CREB5: variants seen among roughly 807,000 people sequenced by gnomAD.
CREB5 encodes the protein cAMP responsive element binding protein 5.
CREB5 carries 19 observed loss-of-function variants against 57.1 expected under a neutral mutation model. That is an observed-to-expected ratio of 0.33 (90% CI 0.23 to 0.49). The LOEUF is 0.49. Among genes scored for constraint, CREB5 ranks in the 20% least tolerant of loss-of-function variants. The pLI, the probability that CREB5 is intolerant of heterozygous loss-of-function variation, is 0.99. For missense variants in CREB5, 579 were observed against 671.6 expected (o/e 0.86, Z 1.52); for synonymous variants, 238 against 238.3 (o/e 1.00, Z 0.01).
At chr7:28,805,812 G>C (rs186706836) in intron 8 of CREB5, among the ~76,000 whole-genome samples, 73 of 152,190 alleles carry the variant, frequency 4.8e-4, no homozygotes, top group Non-Finnish European at 1.3e-4. Flanking sequence ...AATGGGGCTG[G>C]GTAATAGTAG....
At chr7:28,571,944 A>G (rs918274204) in intron 5 of CREB5, among the ~76,000 whole-genome samples, 1 of 152,234 alleles carries the variant, frequency 6.6e-6, no homozygotes, top group Admixed American at 6.5e-5. Context: ...ATGTGCATCA[A>G]CATTCTGTTT....
At chr7:28,560,509 G>C (rs558390624) in intron 4 of CREB5, among the ~76,000 whole-genome samples, 1 of 152,206 alleles carries the variant, frequency 6.6e-6, no homozygotes, top group Non-Finnish European at 1.5e-5. Flanking sequence ...GGAGTGTTCT[G>C]GGAGGGACTA....
Position 28,624,676 on chromosome 7 carries a change from G to GAAA in CREB5, c.464+54154_464+54156dup, listed in dbSNP as rs56161206. On this transcript the variant is annotated intron_variant, in intron 5 of 10. Transcript: ENST00000357727. Reference sequence around the variant, plus strand: ...TTTTCCTTGTTCCGCCAACAGACGTGAAAAAAAAAAAAAAAAACAATCTTG... The same window carrying GAAA: ...TTTTCCTTGTTCCGCCAACAGACGTGAAAAAAAAAAAAAAAAAAAACAATCTTG... 2.6e-3 allele frequency among the ~76,000 whole-genome samples: 340 copies of GAAA among 130,132 alleles called. 1 individual carries two copies. The highest frequency in any genetic ancestry group is 3.9e-3 in the Middle Eastern group (1 of 254). 85.4% of individuals were successfully genotyped at this position (130,132 alleles called of 152,430 possible).
chr7:28,457,128 C>T (rs1419389701), intron 1 of CREB5, among the ~76,000 whole-genome samples: 1 of 152,138 alleles, frequency 6.6e-6, no homozygotes, highest in Non-Finnish European at 1.5e-5. Flanking sequence ...GGAGCCCACT[C>T]CCACGACCAC....
intron 1 of CREB5, among the ~76,000 whole-genome samples, chr7:28,440,255 G>A (rs1789131504): frequency 6.6e-6 from 1 of 152,126 alleles, no homozygotes; most frequent in Non-Finnish European, 1.5e-5. Flanking sequence ...TGCTCTGTGA[G>A]GACTCACCAT....
intron 5 of CREB5, among the ~76,000 whole-genome samples, chr7:28,626,627 G>A (rs377133969): frequency 1.3e-5 from 2 of 152,280 alleles, no homozygotes; most frequent in East Asian, 1.9e-4. Flanking sequence ...GAACAGAATC[G>A]ATTTTATTGC....
intron 3 of CREB5, among the ~76,000 whole-genome samples, chr7:28,503,153 T>C (rs1792333795): frequency 6.6e-6 from 1 of 152,178 alleles, no homozygotes; most frequent in Admixed American, 6.5e-5. Flanking sequence ...AATTCCTAAT[T>C]CGTAAGGCCA....
intron 1 of CREB5, among the ~76,000 whole-genome samples, chr7:28,332,206 G>A (rs117963674): frequency 6.6e-6 from 1 of 152,310 alleles, no homozygotes; most frequent in East Asian, 1.9e-4. Context: ...CCAGAAACTG[G>A]AAGCGATTCT....
intron 1 of CREB5, among the ~76,000 whole-genome samples, chr7:28,386,109 T>G (rs775230615): frequency 2.0e-5 from 3 of 152,220 alleles, no homozygotes; most frequent in Non-Finnish European, 4.4e-5. Flanking sequence ...AGTATCAATG[T>G]TTCTTTGGAT....
intron 4 of CREB5, among the ~76,000 whole-genome samples, chr7:28,560,913 T>TGTGTGTGTGTGTGCGTGCGCGCGCGC (rs1211404751): frequency 1.4e-4 from 3 of 21,998 alleles, no homozygotes; most frequent in Non-Finnish European, 2.9e-4. Context: ...CGCGTGCGTG[T>TGTGTGTGTGTGTGCGTGCGCGCGCGC]GCGTGTGTGC....
chr7:28,387,613 C>A (rs1271272063), intron 1 of CREB5, among the ~76,000 whole-genome samples: 1 of 151,986 alleles, frequency 6.6e-6, no homozygotes, highest in South Asian at 2.1e-4. Flanking sequence ...GAAAGAGCAA[C>A]ACACGCTGGG....
chr7:28,321,115 A>G (rs985413589), intron 1 of CREB5, among the ~76,000 whole-genome samples: 3 of 152,222 alleles, frequency 2.0e-5, no homozygotes, highest in South Asian at 4.1e-4. Context: ...AGAGGATTAA[A>G]CACGCTAGAG....
chr7:28,756,672 T>G, intron 7 of CREB5, among the ~76,000 whole-genome samples: 1 of 152,154 alleles, frequency 6.6e-6, no homozygotes, highest in South Asian at 2.1e-4. Context: ...CATTGAGGAC[T>G]CAAAATATCC....
intron 1 of CREB5, among the ~76,000 whole-genome samples, chr7:28,300,380 T>A (rs777247199): frequency 2.6e-5 from 4 of 152,218 alleles, no homozygotes; most frequent in Non-Finnish European, 2.9e-5. Flanking sequence ...AATGAAAATT[T>A]CAGGCAATTT....
intron 5 of CREB5, among the ~76,000 whole-genome samples, chr7:28,701,455 G>T (rs980364139): frequency 6.6e-6 from 1 of 152,190 alleles, no homozygotes; most frequent in African/African-American, 2.4e-5. Context: ...CTTCTGTAAA[G>T]GATCTGACAT....
intron 1 of CREB5, among the ~76,000 whole-genome samples, chr7:28,459,194 G>A (rs549706026): frequency 2.2e-4 from 34 of 152,272 alleles, no homozygotes; most frequent in African/African-American, 8.2e-4. Flanking sequence ...GCTCCTGTGT[G>A]TGTGTGCGGG....
chr7:28,309,497 C>T (rs994402974), intron 1 of CREB5, among the ~76,000 whole-genome samples: 1 of 152,096 alleles, frequency 6.6e-6, no homozygotes, highest in Non-Finnish European at 1.5e-5. Flanking sequence ...AGAGGCTTCC[C>T]TGGACCCAGG....
chr7:28,338,086 C>T (rs567914869), intron 1 of CREB5, among the ~76,000 whole-genome samples: 11 of 152,142 alleles, frequency 7.2e-5, no homozygotes, highest in Middle Eastern at 6.8e-3. Flanking sequence ...TCTTCAAAAG[C>T]TGTAGTAGTT....
At chr7:28,687,536 T>A (rs1801005934) in intron 5 of CREB5, among the ~76,000 whole-genome samples, 1 of 147,330 alleles carries the variant, frequency 6.8e-6, no homozygotes, top group African/African-American at 2.5e-5. Context: ...TCTGACACCA[T>A]CCGGCATTAC....
Sources: gnomAD v4.1 joint callset for allele counts (sites outside exome capture counted in the v4.1 genomes callset) on GRCh38, gnomAD v4.1.1 for gene constraint, MANE v1.5 for transcripts, NCBI Gene and HGNC (gene_info 2026-07-23, HGNC 2026-07-21) for gene names.